Variants in KCNH1 observed in about 807,000 individuals in gnomAD.
The protein encoded by KCNH1 is potassium voltage-gated channel subfamily H member 1.
In KCNH1, 27 loss-of-function variants were observed where a neutral mutation model predicts 69.2. The ratio of observed to expected loss-of-function variants is 0.39; its 90% CI spans 0.29 to 0.54. The LOEUF (loss-of-function observed/expected upper bound fraction) is 0.54. KCNH1 is among the 20% of genes least tolerant of loss of function. The pLI is 0.68. For synonymous variants in KCNH1, 456 were observed against 487.7 expected (o/e 0.93, Z 0.86); for missense variants, 798 against 1,261.6 (o/e 0.63, Z 5.57).
chr1:211,112,022 A>C (rs1691476989), intron 1 of KCNH1, among the ~76,000 whole-genome samples: 3 of 147,400 alleles, frequency 2.0e-5, no homozygotes, highest in Admixed American at 2.0e-4. Flanking sequence ...GGAAGTGAGG[A>C]GCGCCTCTGC....
At chr1:210,926,709 G>T (rs985309262) in intron 6 of KCNH1, among the ~76,000 whole-genome samples, 1 of 151,968 alleles carries the variant, frequency 6.6e-6, no homozygotes, top group Non-Finnish European at 1.5e-5. Context: ...GATCCAAACC[G>T]AGACAAAACC....
chr1:211,116,042 G>A (rs1691575411), intron 1 of KCNH1, among the ~76,000 whole-genome samples: 1 of 152,024 alleles, frequency 6.6e-6, no homozygotes, highest in Admixed American at 6.6e-5. Flanking sequence ...AGGCTGAGGT[G>A]GGAGGATCAC....
At chr1:211,044,462 G>A (rs1328469323) in intron 5 of KCNH1, among the ~76,000 whole-genome samples, 2 of 152,176 alleles carry the variant, frequency 1.3e-5, no homozygotes, top group Admixed American at 6.6e-5. Context: ...GCAGTCAGCA[G>A]AGTAAACAGA....
chr1:210,712,694 A>G (rs183746394), intron 10 of KCNH1, among the ~76,000 whole-genome samples: 19 of 152,308 alleles, frequency 1.2e-4, no homozygotes, highest in Non-Finnish European at 2.5e-4. Flanking sequence ...GCTCATACCT[A>G]TTCAAGAGTT....
chr1:210,920,214 A>C (rs1409524766), intron 6 of KCNH1, 145 bp from the exon 7 acceptor site: 5 of 689,324 alleles, frequency 7.3e-6, no homozygotes, highest in Admixed American at 5.9e-5. Flanking sequence ...GTAAAATTAG[A>C]ATTTTATTCC....
At chr1:211,110,361 A>G (rs1304467484) in intron 1 of KCNH1, among the ~76,000 whole-genome samples, 1 of 152,198 alleles carries the variant, frequency 6.6e-6, no homozygotes, top group Non-Finnish European at 1.5e-5. Context: ...TGAACAATTC[A>G]GAGACTAGAA....
At chr1:210,917,221 G>GAAAGAA (rs67344915) in intron 7 of KCNH1, among the ~76,000 whole-genome samples, 2,956 of 109,404 alleles carry the variant, frequency 0.027, 34 homozygotes, top group South Asian at 0.031. Flanking sequence ...GAGAGAGAGA[G>GAAAGAA]AGAGAGAGAG....
chr1:210,963,809 C>T (rs981717060), intron 6 of KCNH1, among the ~76,000 whole-genome samples: 3 of 152,106 alleles, frequency 2.0e-5, no homozygotes, highest in Non-Finnish European at 2.9e-5. Context: ...ACCAAACCTA[C>T]ATTTGATTGG....
chr1:210,775,854 C>A (rs976343722), intron 9 of KCNH1, among the ~76,000 whole-genome samples: 2 of 152,182 alleles, frequency 1.3e-5, no homozygotes, highest in East Asian at 3.8e-4. Context: ...CTTTATCACA[C>A]CCCCTTTTTC....
chr1:210,738,584 G>C (rs1428171640), intron 10 of KCNH1, among the ~76,000 whole-genome samples: 1 of 52,818 alleles, frequency 1.9e-5, no homozygotes, highest in Non-Finnish European at 3.6e-5. Context: ...TTTTTTTTCT[G>C]AGACAGGGTC....
intron 5 of KCNH1, among the ~76,000 whole-genome samples, chr1:211,045,041 G>GATATATAGATAGATATATATATAT (rs1164564038): frequency 3.7e-5 from 3 of 81,718 alleles, no homozygotes; most frequent in African/African-American, 1.3e-4. Flanking sequence ...AATTGTGGGG[G>GATATATAGATAGATATATATATAT]ATATATATAT....
At chr1:210,794,893 A>G (rs997604979) in intron 9 of KCNH1, among the ~76,000 whole-genome samples, 1 of 152,226 alleles carries the variant, frequency 6.6e-6, no homozygotes, top group African/African-American at 2.4e-5. Flanking sequence ...AAGGAAACTG[A>G]TGAGTATTAA....
chr1:210,777,976 C>T (rs1333901290), intron 9 of KCNH1, among the ~76,000 whole-genome samples: 2 of 152,228 alleles, frequency 1.3e-5, no homozygotes, highest in African/African-American at 4.8e-5. Flanking sequence ...ATTCTTGGGA[C>T]TCTCCCTCTT....
At chr1:210,968,983 C>T (rs1688463433) in intron 6 of KCNH1, among the ~76,000 whole-genome samples, 1 of 152,018 alleles carries the variant, frequency 6.6e-6, no homozygotes, top group Admixed American at 6.6e-5. Flanking sequence ...GAGCTTTTAT[C>T]AGGAAATGTT....
chr1:210,965,625 A>T (rs1158928573), intron 6 of KCNH1, among the ~76,000 whole-genome samples: 5 of 152,184 alleles, frequency 3.3e-5, no homozygotes, highest in Admixed American at 6.5e-5. Context: ...GAGAACTCCC[A>T]TTCACAATTG....
At chr1:210,877,084 G>T (rs1574312181) in intron 7 of KCNH1, among the ~76,000 whole-genome samples, 2 of 98,010 alleles carry the variant, frequency 2.0e-5, no homozygotes, top group African/African-American at 7.8e-5. Context: ...AAAAAAAAAA[G>T]TCACCACAAA....
In KCNH1 at chr1:210,734,468, C is replaced by A. The variant is rs969204822; in HGVS notation, c.2112+40880G>T. On this transcript the variant is annotated intron_variant, in intron 10 of 10. Coordinates refer to ENST00000271751, the MANE Select transcript of KCNH1 (RefSeq NM_172362.3). ...GGCCCATAAAAAAACAGCAACATTT[C>A]TTTCTTCAAGTCCTACATTTTATCT... Among the ~76,000 whole-genome samples, 4 of 152,186 alleles carry A rather than the reference C, an allele frequency of 2.6e-5. No individual in the cohort carries two copies. In the East Asian group the frequency reaches 7.7e-4, roughly 29 times the overall value.
intron 10 of KCNH1, among the ~76,000 whole-genome samples, chr1:210,743,562 G>T (rs550005401): frequency 1.3e-3 from 203 of 152,322 alleles, no homozygotes; most frequent in African/African-American, 4.8e-3. Flanking sequence ...CAGGGTGACC[G>T]CATGGAAGTG....
At chr1:210,859,033 G>A (rs537192670) in intron 7 of KCNH1, 3 of 608,034 alleles carry the variant, frequency 4.9e-6, no homozygotes, top group Non-Finnish European at 8.7e-6. Flanking sequence ...CATCTCCTGG[G>A]GTTGTTGTTG....
Sources: gnomAD v4.1 joint callset for allele counts (sites outside exome capture counted in the v4.1 genomes callset) on GRCh38, gnomAD v4.1.1 for gene constraint, MANE v1.5 for transcripts, NCBI Gene and HGNC (gene_info 2026-07-23, HGNC 2026-07-21) for gene names.